The following MACROD2 variants were observed in gnomAD, a reference collection of about 807,000 sequenced individuals.
MACROD2 encodes the protein mono-ADP ribosylhydrolase 2.
Under a neutral mutation model 70.4 loss-of-function variants are expected in MACROD2, and 36 were observed. That is an observed-to-expected ratio of 0.51 (90% CI 0.39 to 0.68). The LOEUF is 0.68. Among genes scored for constraint, MACROD2 ranks in the 30% least tolerant of loss-of-function variants. MACROD2 has a pLI of 0.00. For missense variants in MACROD2, 496 were observed against 538.4 expected, an observed-to-expected ratio of 0.92 and a Z score of 0.78; for synonymous variants, 172 against 178.8, an observed-to-expected ratio of 0.96 and a Z score of 0.30.
chr20:14,138,000 A>G lies in MACROD2; in HGVS notation c.271+52272A>G, dbSNP rs138174258. On this transcript the variant is annotated intron_variant, in intron 3 of 17. Transcript: ENST00000684519. ...GGACACATACAGATGGCCAGTAGTT[A>G]TATTACAAGGTGCTCAGTCATCAGG... is the stretch of plus-strand genomic sequence containing the variant. Among the ~76,000 whole-genome samples the G allele has an allele frequency of 8.5e-5, 13 of 152,318 alleles. No homozygotes were observed. The East Asian group carries it at 2.3e-3, about 27-fold the overall frequency.
intron 3 of MACROD2, among the ~76,000 whole-genome samples, chr20:14,310,467 C>T (rs568923977): frequency 7.2e-5 from 11 of 152,206 alleles, no homozygotes; most frequent in African/African-American, 1.2e-4. Flanking sequence ...CATAGTGCAA[C>T]GCAGTACTCG....
chr20:14,797,120 C>T (rs978962717), intron 5 of MACROD2, among the ~76,000 whole-genome samples: 1 of 152,018 alleles, frequency 6.6e-6, no homozygotes, highest in Admixed American at 6.6e-5. Flanking sequence ...GTTACTCTCG[C>T]ATCTCCTTCT....
At chr20:15,129,966 T>G (rs1054247599) in intron 5 of MACROD2, among the ~76,000 whole-genome samples, 2 of 152,078 alleles carry the variant, frequency 1.3e-5, no homozygotes, top group Admixed American at 1.3e-4. Context: ...CTTAGGATGA[T>G]CCACATCTGT....
At chr20:15,191,881 C>T (rs78673769) in intron 5 of MACROD2, among the ~76,000 whole-genome samples, 15,538 of 148,476 alleles carry the variant, frequency 0.1, 1,046 homozygotes, top group Non-Finnish European at 0.15. Flanking sequence ...TAACAACAAC[C>T]AAATCATCAA....
chr20:15,034,629 A>G (rs2075299458), intron 5 of MACROD2, among the ~76,000 whole-genome samples: 1 of 152,194 alleles, frequency 6.6e-6, no homozygotes, highest in South Asian at 2.1e-4. Context: ...TTTGGTCAAA[A>G]TCAGCAAGTT....
At chr20:14,621,404 A>G (rs1256749076) in intron 4 of MACROD2, among the ~76,000 whole-genome samples, 1 of 152,032 alleles carries the variant, frequency 6.6e-6, no homozygotes, top group African/African-American at 2.4e-5. Context: ...TATGAAGAGG[A>G]TCTCTTCAAG....
chr20:15,224,654 G>C (rs987169066), intron 5 of MACROD2, among the ~76,000 whole-genome samples: 4 of 152,164 alleles, frequency 2.6e-5, no homozygotes, highest in African/African-American at 7.2e-5. Context: ...AGCATAAGAA[G>C]TATGCTCTGG....
chr20:15,269,197 T>G (rs1366941013), intron 6 of MACROD2, among the ~76,000 whole-genome samples: 4 of 152,248 alleles, frequency 2.6e-5, no homozygotes, highest in Non-Finnish European at 5.9e-5. Flanking sequence ...TGTTCAATAT[T>G]GTAACCCTCC....
intron 3 of MACROD2, among the ~76,000 whole-genome samples, chr20:14,459,886 C>A (rs889854045): frequency 2.6e-5 from 4 of 152,010 alleles, no homozygotes; most frequent in Non-Finnish European, 5.9e-5. Context: ...GTCTCTCACC[C>A]CCTGACAGGC....
chr20:15,349,849 A>G (rs889762010), intron 6 of MACROD2, among the ~76,000 whole-genome samples: 30 of 151,924 alleles, frequency 2.0e-4, no homozygotes, highest in African/African-American at 7.0e-4. Flanking sequence ...ACTTTCGAAG[A>G]ATCTGTTTTC....
At chr20:15,299,441 AAG>A (rs1568703081) in intron 6 of MACROD2, among the ~76,000 whole-genome samples, 2 of 152,300 alleles carry the variant, frequency 1.3e-5, no homozygotes, top group South Asian at 2.1e-4. Context: ...TAATTCAACA[AAG>A]AGAGATTACG....
chr20:14,038,158 G>A (rs2148637781), intron 2 of MACROD2, among the ~76,000 whole-genome samples: 2 of 152,210 alleles, frequency 1.3e-5, no homozygotes, highest in South Asian at 4.1e-4. Flanking sequence ...TCTGGGTGTG[G>A]TGGTGGGTGC....
chr20:14,247,700 T>G (rs1364624833), intron 3 of MACROD2, among the ~76,000 whole-genome samples: 1 of 152,128 alleles, frequency 6.6e-6, no homozygotes, highest in Non-Finnish European at 1.5e-5. Context: ...ATGGTGAAAA[T>G]GTGTGATGGG....
At chr20:15,309,160 C>G (rs1229343414) in intron 6 of MACROD2, among the ~76,000 whole-genome samples, 1 of 152,144 alleles carries the variant, frequency 6.6e-6, no homozygotes, top group Non-Finnish European at 1.5e-5. Context: ...ATAACTTCTA[C>G]AAAGTTATTT....
At chr20:14,022,830 T>C (rs1234732276) in intron 2 of MACROD2, among the ~76,000 whole-genome samples, 3 of 152,248 alleles carry the variant, frequency 2.0e-5, no homozygotes, top group Non-Finnish European at 4.4e-5. Context: ...ACATTTTCTT[T>C]ATCCACTCTG....
chr20:15,302,387 C>CACACACACACACACACGACAT (rs6147301), intron 6 of MACROD2, among the ~76,000 whole-genome samples: 116 of 150,548 alleles, frequency 7.7e-4, no homozygotes, highest in South Asian at 1.7e-3. Context: ...CACACATACA[C>CACACACACACACACACGACAT]ACATACAGAT....
intron 5 of MACROD2, among the ~76,000 whole-genome samples, chr20:14,844,308 G>T (rs1198922975): frequency 6.6e-6 from 1 of 151,962 alleles, no homozygotes; most frequent in African/African-American, 2.4e-5. Context: ...GAGGTTAGGA[G>T]TTCGAGACCA....
At chr20:14,783,175 G>A (rs777566607) in intron 5 of MACROD2, among the ~76,000 whole-genome samples, 27 of 152,120 alleles carry the variant, frequency 1.8e-4, no homozygotes, top group Non-Finnish European at 3.2e-4. Flanking sequence ...TTCTTATGCT[G>A]TAATCTTTCT....
At chr20:16,008,490 T>C (rs1277869237) in intron 15 of MACROD2, among the ~76,000 whole-genome samples, 7 of 152,238 alleles carry the variant, frequency 4.6e-5, no homozygotes, top group Non-Finnish European at 4.4e-5. Context: ...AGAAGTATCC[T>C]GGCAGTGAGG....
Sources: gnomAD v4.1 joint callset for allele counts (sites outside exome capture counted in the v4.1 genomes callset) on GRCh38, gnomAD v4.1.1 for gene constraint, MANE v1.5 for transcripts, NCBI Gene and HGNC (gene_info 2026-07-23, HGNC 2026-07-21) for gene names.